Variants in IL1RAPL1 observed in about 807,000 individuals in gnomAD.
IL1RAPL1 encodes interleukin-1 receptor accessory protein-like 1.
IL1RAPL1 carries 3 observed loss-of-function variants against 48.4 expected under a neutral mutation model. The ratio of observed to expected loss-of-function variants is 0.06; its 90% CI spans 0.03 to 0.16. IL1RAPL1 has a LOEUF of 0.16. Among genes scored for constraint, IL1RAPL1 ranks in the 10% least tolerant of loss-of-function variants. The pLI is 1.00. For synonymous variants in IL1RAPL1, 185 were observed against 187.7 expected, an observed-to-expected ratio of 0.99 and a Z score of 0.12; for missense variants, 349 against 530.6, an observed-to-expected ratio of 0.66 and a Z score of 3.36.
At chrX:29,104,113 C>T (rs1928399965) in intron 2 of IL1RAPL1, among the ~76,000 whole-genome samples, 1 of 111,565 alleles carries the variant, frequency 9.0e-6, no homozygotes, top group African/African-American at 3.3e-5. Context: ...TTGCCAGCCC[C>T]CTGCAAGGTA....
At position 29,577,517 on chromosome X, in the gene IL1RAPL1, G is replaced by T. The variant is rs144314616; in HGVS notation, c.704-90913G>T. 2.7e-5 allele frequency among the ~76,000 whole-genome samples: 3 copies of T among 111,555 alleles called. No individual in the cohort carries two copies. In the East Asian group the frequency reaches 8.5e-4, roughly 31 times the overall value. Reference sequence around the variant, plus strand: ...CTCAATTAAACTTCCCTTTCGCTCAGTACCCCAATCTGAGCTTGCTATCCT... The same window carrying T: ...CTCAATTAAACTTCCCTTTCGCTCATTACCCCAATCTGAGCTTGCTATCCT... On this transcript the variant is annotated intron_variant, in intron 5 of 10. Coordinates refer to ENST00000378993, the MANE Select transcript of IL1RAPL1 (RefSeq NM_014271.4).
At chrX:29,934,888 G>A (rs1057085012) in intron 8 of IL1RAPL1, among the ~76,000 whole-genome samples, 5 of 111,587 alleles carry the variant, frequency 4.5e-5, no homozygotes, top group Admixed American at 9.5e-5. Flanking sequence ...TTCAAAAATT[G>A]TCCCAGTACA....
chrX:29,564,551 T>A (rs1338922464), intron 5 of IL1RAPL1, among the ~76,000 whole-genome samples: 1 of 112,415 alleles, frequency 8.9e-6, no homozygotes, highest in East Asian at 2.8e-4. Context: ...TACGGGAGAG[T>A]TAACGTTACC....
At chrX:29,854,750 G>C (rs2147200558) in intron 6 of IL1RAPL1, among the ~76,000 whole-genome samples, 1 of 111,085 alleles carries the variant, frequency 9.0e-6, no homozygotes, top group East Asian at 2.8e-4. Context: ...TACAAAGCGA[G>C]GCACAGAGTA....
intron 2 of IL1RAPL1, among the ~76,000 whole-genome samples, chrX:28,933,305 C>T (rs1923933843): frequency 9.0e-6 from 1 of 111,069 alleles, no homozygotes; most frequent in East Asian, 2.8e-4. Context: ...GTTCTCTCCC[C>T]CATTGCAGCT....
At chrX:29,751,805 A>G (rs952326628) in intron 6 of IL1RAPL1, among the ~76,000 whole-genome samples, 10 of 107,763 alleles carry the variant, frequency 9.3e-5, no homozygotes, top group Non-Finnish European at 1.9e-4. Context: ...GGTGGTTCAC[A>G]CCTGTAGTCC....
intron 2 of IL1RAPL1, among the ~76,000 whole-genome samples, chrX:28,808,667 TATAA>T (rs1404125607): frequency 9.0e-6 from 1 of 111,414 alleles, no homozygotes; most frequent in East Asian, 2.8e-4. Flanking sequence ...TATGCTTTAA[TATAA>T]ATAAGTTAAA....
intron 5 of IL1RAPL1, among the ~76,000 whole-genome samples, chrX:29,577,424 C>T (rs1922812581): frequency 9.0e-6 from 1 of 111,582 alleles, no homozygotes; most frequent in Non-Finnish European, 1.9e-5. Flanking sequence ...TTCAGAAGTC[C>T]TCAGACATCT....
intron 5 of IL1RAPL1, among the ~76,000 whole-genome samples, chrX:29,504,650 T>C (rs1935309530): frequency 8.9e-6 from 1 of 112,119 alleles, no homozygotes; most frequent in Non-Finnish European, 1.9e-5. Context: ...TAATTATAGC[T>C]ACTGCTACTC....
intron 5 of IL1RAPL1, among the ~76,000 whole-genome samples, chrX:29,436,211 A>G (rs1192876301): frequency 9.1e-6 from 1 of 110,278 alleles, no homozygotes; most frequent in Non-Finnish European, 1.9e-5. Context: ...CAGTCATAGT[A>G]TGTTTTAGAT....
intron 2 of IL1RAPL1, among the ~76,000 whole-genome samples, chrX:29,186,304 T>C (rs146703458): frequency 6.3e-4 from 71 of 112,115 alleles, no homozygotes; most frequent in Non-Finnish European, 1.2e-3. Context: ...GTGACCAACT[T>C]GGACAGTTGC....
intron 2 of IL1RAPL1, among the ~76,000 whole-genome samples, chrX:29,018,314 C>G: frequency 8.9e-6 from 1 of 112,199 alleles, no homozygotes; most frequent in Admixed American, 9.5e-5. Flanking sequence ...ATTAATTAAT[C>G]TGTTGATGTA....
rs1365528351 is a variant in IL1RAPL1 at position 29,239,729 on chromosome X, A to AT, written c.83-43201dup. On this transcript the variant is annotated intron_variant, in intron 2 of 10. Coordinates refer to ENST00000378993, the MANE Select transcript of IL1RAPL1 (RefSeq NM_014271.4). ...ATTGTGAGATTTTTTTTTTTTTGCA[A>AT]TTTTTTTTAGCTCATCAGCTATCAT... Among the ~76,000 whole-genome samples the AT allele has an allele frequency of 4.6e-5, 5 of 108,051 alleles. No individual in the cohort carries two copies. The East Asian group carries it at 8.6e-4, about 19-fold the overall frequency. The allele number at this position is 108,051 out of a possible 115,157, so 93.8% of individuals were successfully genotyped here. A position where few individuals can be genotyped will look rare whatever the true frequency, so the allele number is the denominator to read the frequency against.
intron 6 of IL1RAPL1, among the ~76,000 whole-genome samples, chrX:29,771,220 C>A (rs939622527): frequency 8.0e-5 from 9 of 111,967 alleles, no homozygotes; most frequent in African/African-American, 2.9e-4. Context: ...GACTGTGTAT[C>A]ATAGATTATA....
At chrX:29,367,095 T>G (rs1486136931) in intron 3 of IL1RAPL1, among the ~76,000 whole-genome samples, 1 of 111,799 alleles carries the variant, frequency 8.9e-6, no homozygotes, top group Non-Finnish European at 1.9e-5. Context: ...GGAAATCATG[T>G]GTAATTAGCA....
At chrX:29,090,158 C>G (rs926942963) in intron 2 of IL1RAPL1, among the ~76,000 whole-genome samples, 2 of 110,702 alleles carry the variant, frequency 1.8e-5, no homozygotes, top group East Asian at 5.7e-4. Flanking sequence ...AGCTTTTTCA[C>G]TGTGCAATAA....
At chrX:28,726,703 G>A (rs1485779356) in intron 1 of IL1RAPL1, among the ~76,000 whole-genome samples, 1 of 111,798 alleles carries the variant, frequency 8.9e-6, no homozygotes, top group Non-Finnish European at 1.9e-5. Flanking sequence ...TCCTCATAGT[G>A]TTCCTATGAA....
At chrX:29,857,475 C>T (rs12011633) in intron 6 of IL1RAPL1, among the ~76,000 whole-genome samples, 4,912 of 111,579 alleles carry the variant, frequency 0.044, 263 homozygotes, top group African/African-American at 0.15. Context: ...AAATAAAGTG[C>T]TATCAATGTA....
At chrX:29,865,352 A>G (rs1479165316) in intron 6 of IL1RAPL1, among the ~76,000 whole-genome samples, 1 of 111,905 alleles carries the variant, frequency 8.9e-6, no homozygotes, top group African/African-American at 3.2e-5. Flanking sequence ...CTGGTGTGAT[A>G]TACGTTGTAT....
Sources: gnomAD v4.1 joint callset for allele counts (sites outside exome capture counted in the v4.1 genomes callset) on GRCh38, gnomAD v4.1.1 for gene constraint, MANE v1.5 for transcripts, NCBI Gene and HGNC (gene_info 2026-07-23, HGNC 2026-07-21) for gene names.